FTO: variants seen among roughly 807,000 people sequenced by gnomAD.
FTO encodes alpha-ketoglutarate-dependent dioxygenase FTO.
Under a neutral mutation model 63.9 loss-of-function variants are expected in FTO, and 47 were observed. The ratio of observed to expected loss-of-function variants is 0.74; its 90% CI spans 0.58 to 0.94. The LOEUF is 0.94. Among genes scored for constraint, FTO ranks in the 40% least tolerant of loss-of-function variants. The probability of loss-of-function intolerance (pLI) is 0.00; values close to 1 mark genes in which losing one functional copy is unlikely to be tolerated. For synonymous variants in FTO, 207 were observed against 224.4 expected, an observed-to-expected ratio of 0.92 and a Z score of 0.69; for missense variants, 562 against 618.1, an observed-to-expected ratio of 0.91 and a Z score of 0.96.
chr16:54,077,291 T>G (rs886540215), intron 8 of FTO, among the ~76,000 whole-genome samples: 4 of 152,194 alleles, frequency 2.6e-5, no homozygotes, highest in Admixed American at 2.6e-4. Flanking sequence ...TCCTAGGAAA[T>G]GGACATCACA....
intron 7 of FTO, among the ~76,000 whole-genome samples, chr16:53,931,700 C>T (rs898077743): frequency 3.3e-5 from 5 of 152,134 alleles, no homozygotes; most frequent in African/African-American, 7.2e-5. Flanking sequence ...TTAGAATACC[C>T]GCTAATGCTC....
At chr16:53,720,666 T>C (rs2076018690) in intron 1 of FTO, among the ~76,000 whole-genome samples, 1 of 147,954 alleles carries the variant, frequency 6.8e-6, no homozygotes, top group East Asian at 2.0e-4. Context: ...CTTTTATATA[T>C]ATATAAAAGA....
At chr16:54,041,977 T>C (rs146265964) in intron 8 of FTO, among the ~76,000 whole-genome samples, 1,534 of 152,334 alleles carry the variant, frequency 0.01, 27 homozygotes, top group African/African-American at 0.034. Flanking sequence ...GGGATGTTTC[T>C]GAGAGCTTTC....
At chr16:54,000,857 T>C (rs528420733) in intron 8 of FTO, among the ~76,000 whole-genome samples, 30 of 152,322 alleles carry the variant, frequency 2.0e-4, no homozygotes, top group South Asian at 4.1e-4. Context: ...ATTTCTTTGA[T>C]TTATCAGAAT....
Position 53,968,431 on chromosome 16 carries a change from A to G in FTO, c.1364+34322A>G, listed in dbSNP as rs77175407. 3.9e-3 allele frequency among the ~76,000 whole-genome samples: 600 copies of G among 152,342 alleles called. 7 individuals are homozygous for G. The highest frequency in any genetic ancestry group is 0.014 in the African/African-American group (579 of 41,582). On this transcript the variant is annotated intron_variant, in intron 8 of 8. Transcript: ENST00000471389. ...TAATCTTGGCAACATAAAACCAAGT[A>G]CAGCACCATCATCGCCACCCTCCTC...
intron 8 of FTO, among the ~76,000 whole-genome samples, chr16:54,101,790 A>C (rs2086647973): frequency 6.6e-6 from 1 of 152,174 alleles, no homozygotes; most frequent in Non-Finnish European, 1.5e-5. Context: ...AACAGTGTAT[A>C]AGTGTTCCCT....
chr16:53,752,320 G>A (rs989639448), intron 1 of FTO, among the ~76,000 whole-genome samples: 1 of 152,082 alleles, frequency 6.6e-6, no homozygotes, highest in African/African-American at 2.4e-5. Context: ...GAGAGGGACA[G>A]CCTATTGCAG....
intron 8 of FTO, among the ~76,000 whole-genome samples, chr16:54,001,731 T>G (rs1376562365): frequency 2.0e-5 from 3 of 152,192 alleles, no homozygotes; most frequent in Non-Finnish European, 2.9e-5. Context: ...GTGTTTTTGC[T>G]CTTCTAGTTG....
intron 6 of FTO, among the ~76,000 whole-genome samples, chr16:53,886,008 G>T (rs2080986478): frequency 6.6e-6 from 1 of 152,180 alleles, no homozygotes; most frequent in South Asian, 2.1e-4. Flanking sequence ...TCCTGCCATG[G>T]CCTCTTAAAG....
rs2081078764 is a variant in FTO at position 53,888,940 on chromosome 16, A to T, written c.1228A>T (p.Met410Leu). The T allele has an allele frequency of 1.9e-6, 3 of 1,613,966 alleles. No homozygotes were observed. Among genetic ancestry groups the T allele is most frequent in the Non-Finnish European group, 2.5e-6 (3 of 1,179,956 alleles). Residue 410 changes from methionine to leucine, a missense_variant, in exon 7 of 9, where the codon ATG becomes TTG. Transcript: ENST00000471389. ...MAQLEALWKKMEGVTNAVLHE... is the reference protein window; with the variant it reads ...MAQLEALWKKLEGVTNAVLHE... ...TCAACTGGAAGCACTGTGGAAGAAG[A>T]TGGAGGGTGTGGTAAGTCCATCAGA...
At chr16:53,779,972 T>C (rs1424069537) in intron 1 of FTO, among the ~76,000 whole-genome samples, 2 of 152,200 alleles carry the variant, frequency 1.3e-5, no homozygotes, top group Admixed American at 6.5e-5. Flanking sequence ...CAATGTGGCC[T>C]CCCTACTTCA....
intron 6 of FTO, among the ~76,000 whole-genome samples, chr16:53,886,303 C>T (rs1428587217): frequency 6.6e-6 from 1 of 152,218 alleles, no homozygotes; most frequent in African/African-American, 2.4e-5. Context: ...CTTATCCATT[C>T]TGTCCTCTTC....
At chr16:53,895,775 A>C (rs1315876350) in intron 7 of FTO, among the ~76,000 whole-genome samples, 1 of 152,198 alleles carries the variant, frequency 6.6e-6, no homozygotes, top group Non-Finnish European at 1.5e-5. Flanking sequence ...GATCGTTCCT[A>C]GTGCCTCTGC....
At chr16:53,883,849 A>G (rs1050411994) in intron 6 of FTO, among the ~76,000 whole-genome samples, 1 of 152,104 alleles carries the variant, frequency 6.6e-6, no homozygotes, top group African/African-American at 2.4e-5. Flanking sequence ...TACTTTCACA[A>G]TTAATTCCAT....
intron 1 of FTO, among the ~76,000 whole-genome samples, chr16:53,715,727 T>G (rs184137441): frequency 6.6e-6 from 1 of 152,250 alleles, no homozygotes; most frequent in Non-Finnish European, 1.5e-5. Flanking sequence ...TTGGGAACTT[T>G]GTAAAATTCC....
chr16:53,997,357 C>T (rs2083961465), intron 8 of FTO, among the ~76,000 whole-genome samples: 1 of 151,946 alleles, frequency 6.6e-6, no homozygotes, highest in Admixed American at 6.6e-5. Context: ...ATTTGGGGAA[C>T]TACAATTCAA....
intron 8 of FTO, among the ~76,000 whole-genome samples, chr16:54,023,321 A>G (rs1481205548): frequency 2.0e-5 from 3 of 152,242 alleles, no homozygotes; most frequent in Admixed American, 1.3e-4. Flanking sequence ...GAATTACTTA[A>G]GAGAACAAGC....
In FTO at chr16:53,997,850, A is replaced by G. The variant is rs73626754; in HGVS notation, c.1364+63741A>G. Among the ~76,000 whole-genome samples, 1,068 of 152,308 alleles carry G rather than the reference A, an allele frequency of 7.0e-3. 20 individuals are homozygous for G. The highest frequency in any genetic ancestry group is 0.025 in the African/African-American group (1,029 of 41,560). ...AGGAAGGCAATGAGTATGAATCATC[A>G]TTCTGATTTTAAGCATAATAAAAGC... On this transcript the variant is annotated intron_variant, in intron 8 of 8. Transcript: ENST00000471389.
rs188871763 is a variant in FTO, at chr16:53,893,790, G to T, written c.1239+4839G>T. Reference sequence around the variant, plus strand: ...GAAATTCTTCTTGCTGTTTTCCTTGGTTTTTTCTTTTAGAATAAAAAGTAG... The same window carrying T: ...GAAATTCTTCTTGCTGTTTTCCTTGTTTTTTTCTTTTAGAATAAAAAGTAG... On this transcript the variant is annotated intron_variant, in intron 7 of 8. Coordinates refer to ENST00000471389, the MANE Select transcript of FTO (RefSeq NM_001080432.3). Among the ~76,000 whole-genome samples, 508 of 152,160 alleles carry T rather than the reference G, an allele frequency of 3.3e-3. 3 individuals are homozygous for T. The highest frequency in any genetic ancestry group is 0.012 in the African/African-American group (482 of 41,534).
Sources: gnomAD v4.1 joint callset for allele counts (sites outside exome capture counted in the v4.1 genomes callset) on GRCh38, gnomAD v4.1.1 for gene constraint, MANE v1.5 for transcripts, NCBI Gene and HGNC (gene_info 2026-07-23, HGNC 2026-07-21) for gene names.